MDGA2: variants seen among roughly 807,000 people sequenced by gnomAD.
MDGA2 encodes MAM domain-containing glycosylphosphatidylinositol anchor protein 2.
Under a neutral mutation model 117.8 loss-of-function variants are expected in MDGA2, and 40 were observed. That is an observed-to-expected ratio of 0.34 (90% CI 0.26 to 0.44). The LOEUF (loss-of-function observed/expected upper bound fraction) is 0.44. Among genes scored for constraint, MDGA2 ranks in the 20% least tolerant of loss-of-function variants. MDGA2 has a pLI of 1.00. For missense variants in MDGA2, 1,123 were observed against 1,250.6 expected, an observed-to-expected ratio of 0.90 and a Z score of 1.54; for synonymous variants, 452 against 439.0, an observed-to-expected ratio of 1.03 and a Z score of -0.37.
intron 1 of MDGA2, among the ~76,000 whole-genome samples, chr14:47,523,747 A>T (rs1015957371): frequency 2.0e-5 from 3 of 152,158 alleles, no homozygotes; most frequent in Non-Finnish European, 2.9e-5. Flanking sequence ...GAGTTCATTA[A>T]GCCTTCAGCA....
intron 1 of MDGA2, among the ~76,000 whole-genome samples, chr14:47,505,808 G>C (rs765551587): frequency 6.6e-6 from 1 of 151,978 alleles, no homozygotes; most frequent in Non-Finnish European, 1.5e-5. Flanking sequence ...TCATGTGTTC[G>C]GCATATATCC....
At chr14:47,593,194 C>G (rs1896474129) in intron 1 of MDGA2, among the ~76,000 whole-genome samples, 1 of 152,170 alleles carries the variant, frequency 6.6e-6, no homozygotes, top group Non-Finnish European at 1.5e-5. Context: ...CCATTTCACG[C>G]CCGTCTGAAT....
intron 10 of MDGA2, among the ~76,000 whole-genome samples, chr14:46,891,502 T>A (rs1882882992): frequency 6.6e-6 from 1 of 151,390 alleles, no homozygotes; most frequent in Non-Finnish European, 1.5e-5. Context: ...AGCACATTTA[T>A]CTTATTATAT....
At chr14:47,014,487 G>A (rs761927643) in intron 8 of MDGA2, among the ~76,000 whole-genome samples, 10 of 152,124 alleles carry the variant, frequency 6.6e-5, no homozygotes, top group Non-Finnish European at 1.0e-4. Flanking sequence ...CTGTTGTTTA[G>A]GGCTAGCCAC....
chr14:47,167,932 T>G (rs1883952778), intron 3 of MDGA2, among the ~76,000 whole-genome samples: 1 of 152,206 alleles, frequency 6.6e-6, no homozygotes, highest in Admixed American at 6.5e-5. Context: ...CAGCTGCATC[T>G]CTTTTATTGC....
At chr14:47,169,938 C>A (rs898332523) in intron 3 of MDGA2, among the ~76,000 whole-genome samples, 2 of 152,102 alleles carry the variant, frequency 1.3e-5, no homozygotes, top group Non-Finnish European at 2.9e-5. Context: ...CAAAGACACA[C>A]TCTACTCTCC....
rs548590229 is a variant in MDGA2 at position 47,204,864 on chromosome 14, CA to C, written c.595+13156del. 5.9e-5 allele frequency among the ~76,000 whole-genome samples: 9 copies of C among 152,050 alleles called. No homozygotes were observed. In the South Asian group the frequency reaches 1.9e-3, roughly 32 times the overall value. On this transcript the variant is annotated intron_variant, in intron 3 of 16. Coordinates refer to ENST00000399232, the MANE Select transcript of MDGA2 (RefSeq NM_001113498.3). ...TTACTATGTACCAATTGTGGGTACA[CA>C]GTTACAAGACTTAATTTCTAATTCC... is the stretch of plus-strand genomic sequence containing the variant.
intron 1 of MDGA2, among the ~76,000 whole-genome samples, chr14:47,371,889 ATAAC>A (rs1157633066): frequency 1.3e-5 from 2 of 151,838 alleles, no homozygotes; most frequent in Non-Finnish European, 3.0e-5. Context: ...TGATAACATT[ATAAC>A]TAACCTTTTT....
At chr14:47,163,441 C>A (rs1023175782) in intron 3 of MDGA2, among the ~76,000 whole-genome samples, 5 of 152,058 alleles carry the variant, frequency 3.3e-5, no homozygotes, top group Non-Finnish European at 5.9e-5. Context: ...CTTTACCATG[C>A]TGTTCTGGTG....
intron 1 of MDGA2, among the ~76,000 whole-genome samples, chr14:47,636,390 G>A (rs1897321273): frequency 6.6e-6 from 1 of 152,088 alleles, no homozygotes; most frequent in African/African-American, 2.4e-5. Flanking sequence ...TTGGTTTCCA[G>A]GTTTGAATTA....
At chr14:47,159,687 T>G (rs207474797) in intron 3 of MDGA2, among the ~76,000 whole-genome samples, 1 of 152,218 alleles carries the variant, frequency 6.6e-6, no homozygotes, top group Non-Finnish European at 1.5e-5. Flanking sequence ...TTACTTTATA[T>G]TTGCACTTCC....
chr14:47,344,853 G>A (rs1890729695), intron 1 of MDGA2, among the ~76,000 whole-genome samples: 1 of 147,126 alleles, frequency 6.8e-6, no homozygotes, highest in African/African-American at 2.5e-5. Flanking sequence ...CTACAGACAG[G>A]GGTGTCTCTG....
At chr14:46,926,233 A>G (rs1884326230) in intron 9 of MDGA2, among the ~76,000 whole-genome samples, 1 of 152,182 alleles carries the variant, frequency 6.6e-6, no homozygotes, top group Admixed American at 6.5e-5. Context: ...TAGTGTGAAA[A>G]CTGAGTGATG....
intron 1 of MDGA2, among the ~76,000 whole-genome samples, chr14:47,526,044 T>C (rs1894967426): frequency 6.6e-6 from 1 of 152,162 alleles, no homozygotes; most frequent in Admixed American, 6.5e-5. Flanking sequence ...CTCCTTTGAC[T>C]TGCCAAATCT....
chr14:46,890,690 G>A (rs1444115323), intron 10 of MDGA2, among the ~76,000 whole-genome samples: 1 of 151,956 alleles, frequency 6.6e-6, no homozygotes, highest in Non-Finnish European at 1.5e-5. Flanking sequence ...CAGAGTCTCT[G>A]GTAAAGCTCA....
chr14:47,323,808 C>T lies in MDGA2; in HGVS notation c.281-22258G>A, dbSNP rs541062031. ...AGCACAAGAGGGAAAAGAACTTAAA[C>T]TAGAAAGGAATTTGATAATTATGAA... On this transcript the variant is annotated intron_variant, in intron 1 of 16. Transcript: ENST00000399232. 3.3e-4 allele frequency among the ~76,000 whole-genome samples: 50 copies of T among 152,080 alleles called. 1 individual carries two copies. The highest frequency in any genetic ancestry group is 1.1e-3 in the African/African-American group (46 of 41,470).
chr14:47,247,015 T>C (rs1887263031), intron 2 of MDGA2, among the ~76,000 whole-genome samples: 1 of 151,854 alleles, frequency 6.6e-6, no homozygotes, highest in Non-Finnish European at 1.5e-5. Context: ...GCATTGTACA[T>C]ATTTTTCTGT....
At chr14:47,608,029 T>A (rs1896773087) in intron 1 of MDGA2, among the ~76,000 whole-genome samples, 1 of 152,152 alleles carries the variant, frequency 6.6e-6, no homozygotes, top group Non-Finnish European at 1.5e-5. Context: ...CTTGTCATTA[T>A]TTAAATTACT....
intron 8 of MDGA2, among the ~76,000 whole-genome samples, chr14:47,009,176 T>C (rs1331296043): frequency 6.6e-6 from 1 of 151,978 alleles, no homozygotes; most frequent in Non-Finnish European, 1.5e-5. Context: ...ATTTTCCACA[T>C]AAATCAAGTT....
Sources: gnomAD v4.1 joint callset for allele counts (sites outside exome capture counted in the v4.1 genomes callset) on GRCh38, gnomAD v4.1.1 for gene constraint, MANE v1.5 for transcripts, NCBI Gene and HGNC (gene_info 2026-07-23, HGNC 2026-07-21) for gene names.